PI4KA: variants seen among roughly 807,000 people sequenced by gnomAD.
PI4KA encodes the protein phosphatidylinositol 4-kinase alpha.
In PI4KA, 122 loss-of-function variants were observed where a neutral mutation model predicts 271.4. The observed-to-expected ratio is 0.45, with a 90% CI of 0.39 to 0.52. The LOEUF (loss-of-function observed/expected upper bound fraction) is 0.52, where lower values mean the gene tolerates loss of function less well. Among genes scored for constraint, PI4KA ranks in the 20% least tolerant of loss-of-function variants. PI4KA has a pLI of 0.00. For synonymous variants in PI4KA, 1,041 were observed against 1,078.8 expected (o/e 0.96, Z 0.69); for missense variants, 1,969 against 2,769.1 (o/e 0.71, Z 6.48).
chr22:20,721,651 T>C, intron 42 of PI4KA: 1 of 517,434 alleles, frequency 1.9e-6, no homozygotes. Context: ...CGGGCGACAG[T>C]CAGCCTTTGT....
rs1423648344 is a variant in PI4KA, at chr22:20,858,747, G to A, written c.-22C>T. ...CCATCACCTCACGAGCCGCGGCGCT[G>A]CCCGCCGGCTCCCCGCTCCTGGCCC... On this transcript the variant is annotated 5_prime_UTR_variant, in exon 1 of 55. Coordinates refer to ENST00000255882, the MANE Select transcript of PI4KA (RefSeq NM_058004.4). 3 of 1,369,044 alleles carry A rather than the reference G, an allele frequency of 2.2e-6. No individual in the cohort carries two copies. Among genetic ancestry groups the A allele is most frequent in the Non-Finnish European group, 9.4e-7 (1 of 1,059,584 alleles). The allele number at this position is 1,369,044 out of a possible 1,614,324, so 84.8% of individuals were successfully genotyped here.
intron 38 of PI4KA, 58 bp downstream of exon 38, chr22:20,729,574 C>T: frequency 1.3e-6 from 2 of 1,552,608 alleles, no homozygotes; most frequent in East Asian, 2.4e-5. Context: ...GCCCCGGCCA[C>T]CAGGTGTCGT....
chr22:20,814,514 C>A (rs1235037646), intron 7 of PI4KA, among the ~76,000 whole-genome samples: 2 of 152,100 alleles, frequency 1.3e-5, no homozygotes, highest in South Asian at 2.1e-4. Context: ...TTTTCGAAGG[C>A]TGAGGTGGGA....
chr22:20,720,090 T>C lies in PI4KA; in HGVS notation c.5116+1208A>G, dbSNP rs1926551034. Among the ~76,000 whole-genome samples the C allele has an allele frequency of 2.0e-5, 3 of 150,098 alleles. No homozygotes were observed. The South Asian group carries it at 6.3e-4, about 31-fold the overall frequency. ...GACTGGCAGATGTGAACAAATATGA[T>C]TTTTCCACACTGTACAAAGAAATGC... On this transcript the variant is annotated intron_variant, in intron 43 of 54. Transcript: ENST00000255882.
intron 9 of PI4KA, among the ~76,000 whole-genome samples, chr22:20,807,694 G>T (rs917377268): frequency 9.9e-5 from 15 of 152,154 alleles, no homozygotes; most frequent in African/African-American, 3.1e-4. Context: ...GCAGCCATCT[G>T]CACCCTAGTA....
At chr22:20,775,042 G>A (rs1281582266) in intron 19 of PI4KA, among the ~76,000 whole-genome samples, 4 of 152,080 alleles carry the variant, frequency 2.6e-5, no homozygotes, top group Admixed American at 6.6e-5. Context: ...ACTTTAGGCA[G>A]TTACTTCTCT....
At chr22:20,748,588 G>C (rs950756543) in intron 28 of PI4KA, among the ~76,000 whole-genome samples, 1 of 152,226 alleles carries the variant, frequency 6.6e-6, no homozygotes, top group African/African-American at 2.4e-5. Context: ...CAAGGGTCTC[G>C]AGGGTGGGGG....
Position 20,831,912 on chromosome 22 carries a change from G to A in PI4KA, c.367+2650C>T, listed in dbSNP as rs933159667. Among the ~76,000 whole-genome samples the A allele has an allele frequency of 7.2e-5, 11 of 152,162 alleles. No individual in the cohort carries two copies. The South Asian group carries it at 1.9e-3, about 26-fold the overall frequency. ...ACTCATGGATAATATCCTGAAATAC[G>A]TTTTCCAAGTTGCTTATTTTCTCTC... On this transcript the variant is annotated intron_variant, in intron 3 of 54. Transcript: ENST00000255882.
chr22:20,851,128 A>C (rs1184829042), intron 1 of PI4KA, among the ~76,000 whole-genome samples: 2 of 152,050 alleles, frequency 1.3e-5, no homozygotes, highest in African/African-American at 4.8e-5. Flanking sequence ...GCGAGGCCGA[A>C]GTGGGCAGAC....
At chr22:20,777,814 G>A (rs1933424088) in intron 19 of PI4KA, among the ~76,000 whole-genome samples, 1 of 152,156 alleles carries the variant, frequency 6.6e-6, no homozygotes, top group South Asian at 2.1e-4. Flanking sequence ...GAAAGACAAA[G>A]GATTTGGCAG....
At chr22:20,844,473 A>G (rs899007654) in intron 1 of PI4KA, among the ~76,000 whole-genome samples, 1 of 152,250 alleles carries the variant, frequency 6.6e-6, no homozygotes, top group East Asian at 1.9e-4. Context: ...ATGAAGTAAT[A>G]TATAATGTAC....
rs955587199 is a variant in PI4KA, at chr22:20,826,414, C to T, written c.368-2000G>A. 8.5e-5 allele frequency among the ~76,000 whole-genome samples: 13 copies of T among 152,188 alleles called. 1 individual carries two copies. The highest frequency in any genetic ancestry group is 2.4e-4 in the African/African-American group (10 of 41,548). The stretch of plus-strand genomic sequence containing the variant: ...TTTTTTATGGCTACACAGTACTCCA[C>T]GGTACACATACGACATTTTCTTTAT... On this transcript the variant is annotated intron_variant, in intron 3 of 54. Coordinates refer to ENST00000255882, the MANE Select transcript of PI4KA (RefSeq NM_058004.4).
chr22:20,837,484 C>T (rs1210917822), intron 2 of PI4KA, among the ~76,000 whole-genome samples: 1 of 152,140 alleles, frequency 6.6e-6, no homozygotes, highest in African/African-American at 2.4e-5. Flanking sequence ...AAATACTGCT[C>T]TATAATTAAA....
rs746189402 is a variant in PI4KA, at chr22:20,803,349, G to A, written c.1462-29C>T. 3 of 1,613,166 alleles carry A rather than the reference G, an allele frequency of 1.9e-6. No individual in the cohort carries two copies. The East Asian group carries it at 6.7e-5, about 36-fold the overall frequency. ...CAACACACCATCAACCTGTCACATG[G>A]CCTGTGGTATGGGACCATCTGAGTA... On this transcript the variant is annotated intron_variant, in intron 12 of 54. Coordinates refer to ENST00000255882, the MANE Select transcript of PI4KA (RefSeq NM_058004.4).
Position 20,813,317 on chromosome 22 carries a change from G to GACA in PI4KA, c.1005+38_1005+40dup, listed in dbSNP as rs362114. On this transcript the variant is annotated intron_variant, in intron 8 of 54. Coordinates refer to ENST00000255882, the MANE Select transcript of PI4KA (RefSeq NM_058004.4). The stretch of plus-strand genomic sequence containing the variant: ...AAGTTTCACCACTAGCAATTTTACT[G>GACA]ACATATCCATGGTCTGTTCATCCAT... The GACA allele has an allele frequency of 0.41, 612,532 of 1,506,236 alleles. 128,273 individuals carry two copies. The highest frequency in any genetic ancestry group is 0.57 in the African/African-American group (41,112 of 71,720). The allele number at this position is 1,506,236 out of a possible 1,614,324, so 93.3% of individuals were successfully genotyped here. A position where few individuals can be genotyped will look rare whatever the true frequency, so the allele number is the denominator to read the frequency against.
At chr22:20,857,262 C>G (rs922217367) in intron 1 of PI4KA, among the ~76,000 whole-genome samples, 2 of 152,184 alleles carry the variant, frequency 1.3e-5, no homozygotes, top group African/African-American at 4.8e-5. Flanking sequence ...GTTCCATTTT[C>G]CAAACTCATG....
chr22:20,803,458 GC>G, intron 12 of PI4KA, 138 bp from the exon 13 acceptor site: 1 of 851,076 alleles, frequency 1.2e-6, no homozygotes, highest in Non-Finnish European at 1.9e-6. Flanking sequence ...CAGGCCACCT[GC>G]CCAGGACATA....
intron 1 of PI4KA, among the ~76,000 whole-genome samples, chr22:20,854,374 G>A (rs1473221824): frequency 6.6e-6 from 1 of 152,090 alleles, no homozygotes; most frequent in Non-Finnish European, 1.5e-5. Flanking sequence ...GCCTGCCTCA[G>A]CCTCCCAAAG....
intron 45 of PI4KA, 74 bp downstream of exon 45, chr22:20,717,634 G>A: frequency 3.3e-6 from 4 of 1,194,086 alleles, no homozygotes; most frequent in Non-Finnish European, 4.9e-6. Flanking sequence ...GCCTGGAGAG[G>A]GCAGCAGCCT....
Sources: gnomAD v4.1 joint callset for allele counts (sites outside exome capture counted in the v4.1 genomes callset) on GRCh38, gnomAD v4.1.1 for gene constraint, MANE v1.5 for transcripts, NCBI Gene and HGNC (gene_info 2026-07-23, HGNC 2026-07-21) for gene names.